Variants in CFAP46 observed in about 807,000 individuals in gnomAD.
The protein encoded by CFAP46 is cilia and flagella associated protein 46, also known as cilia- and flagella-associated protein 46.
Under a neutral mutation model 325.7 loss-of-function variants are expected in CFAP46, and 245 were observed. The ratio of observed to expected loss-of-function variants is 0.75; its 90% CI spans 0.68 to 0.84. The LOEUF (loss-of-function observed/expected upper bound fraction) is 0.84. CFAP46 is among the 40% of genes least tolerant of loss of function. The pLI is 0.00. For missense variants in CFAP46, 3,346 were observed against 3,543.0 expected, an observed-to-expected ratio of 0.94 and a Z score of 1.41; for synonymous variants, 1,523 against 1,495.9, an observed-to-expected ratio of 1.02 and a Z score of -0.42.
intron 21 of CFAP46, among the ~76,000 whole-genome samples, 169 bp downstream of exon 21, chr10:132,908,968 C>T (rs1054057244): frequency 1.3e-5 from 2 of 152,150 alleles, no homozygotes; most frequent in Non-Finnish European, 2.9e-5. Flanking sequence ...GAGCATGGAG[C>T]TGAAGGAAGT....
At chr10:132,908,153 G>A (rs993552282) in intron 22 of CFAP46, among the ~76,000 whole-genome samples, 28 of 152,382 alleles carry the variant, frequency 1.8e-4, no homozygotes, top group African/African-American at 6.3e-4. Context: ...GCACGGGGCC[G>A]GCAGGACGGA....
chr10:132,888,356 CCGCCTG>C (rs1849199048), intron 25 of CFAP46, among the ~76,000 whole-genome samples: 2 of 87,206 alleles, frequency 2.3e-5, no homozygotes, highest in African/African-American at 5.7e-5. Context: ...TTCACCCCTG[CCGCCTG>C]CACCTGCCAC....
chr10:132,838,565 C>T (rs73391231), intron 44 of CFAP46, among the ~76,000 whole-genome samples: 10,887 of 152,330 alleles, frequency 0.071, 938 homozygotes, highest in African/African-American at 0.2. Flanking sequence ...CCAGGTGGAG[C>T]GTGGGGCTGG....
At chr10:132,835,581 G>A in intron 46 of CFAP46, 147 bp from the exon 47 acceptor site, 6 of 1,046,686 alleles carry the variant, frequency 5.7e-6, no homozygotes, top group South Asian at 1.6e-5. Flanking sequence ...GGGTCCCCCT[G>A]GTCCCATGCT....
At chr10:132,851,450 T>C in intron 39 of CFAP46, 145 bp from the exon 40 acceptor site, 1 of 740,690 alleles carries the variant, frequency 1.4e-6, no homozygotes. Flanking sequence ...CACACTTTGA[T>C]CACGAATACA....
chr10:132,935,365 G>A lies in CFAP46; in HGVS notation c.756-503C>T, dbSNP rs555644113. On this transcript the variant is annotated intron_variant, in intron 7 of 57. Transcript: ENST00000368586. ...CACTGTGATCTCCTCACTCCCCTTG[G>A]CACCCAAACACACTGTGATCTCCTC... 1.9e-4 allele frequency among the ~76,000 whole-genome samples: 26 copies of A among 140,458 alleles called. 1 individual carries two copies. The highest frequency in any genetic ancestry group is 7.4e-4 in the African/African-American group (26 of 35,324). The allele number at this position is 140,458 out of a possible 152,430, so 92.1% of individuals were successfully genotyped here. A position where few individuals can be genotyped will look rare whatever the true frequency, so the allele number is the denominator to read the frequency against.
chr10:132,857,475 G>T, intron 39 of CFAP46, 115 bp downstream of exon 39: 2 of 1,027,246 alleles, frequency 1.9e-6, no homozygotes, highest in Non-Finnish European at 2.9e-6. Context: ...TCTGATCCCT[G>T]TTATTCCATT....
intron 39 of CFAP46, 28 bp downstream of exon 39, chr10:132,857,562 G>A (rs1409634300): frequency 6.2e-7 from 1 of 1,604,518 alleles, no homozygotes; most frequent in Non-Finnish European, 8.5e-7. Flanking sequence ...GTGACCCAGT[G>A]TGCACAGGAA....
intron 50 of CFAP46, among the ~76,000 whole-genome samples, chr10:132,823,911 GCT>G (rs1847960629): frequency 7.7e-6 from 1 of 129,698 alleles, no homozygotes. Context: ...CTGTGTGAGC[GCT>G]GATGTGTGTG....
At chr10:132,881,663 CCG>C in intron 27 of CFAP46, among the ~76,000 whole-genome samples, 1 of 73,392 alleles carries the variant, frequency 1.4e-5, no homozygotes, top group Non-Finnish European at 3.9e-5. Context: ...ACCGCACCCT[CCG>C]CAGCCCTGCG....
intron 7 of CFAP46, among the ~76,000 whole-genome samples, chr10:132,935,809 T>G (rs556651283): frequency 6.1e-4 from 56 of 91,736 alleles, no homozygotes; most frequent in Non-Finnish European, 9.3e-4. Context: ...CCAAACACAC[T>G]GTGATCTCCT....
Position 132,922,215 on chromosome 10 carries a change from CT to C in CFAP46, c.1494del (p.Ala499LeufsTer15). On this transcript the variant is annotated frameshift_variant, in exon 13 of 58. Transcript: ENST00000368586. LOFTEE classifies it high-confidence loss of function. ...KAIMAVEQAK[K>X]ATPKDSVRKK... is the part of the protein sequence containing the mutation. ...TTCCTGACGCTGTCCTTTGGTGTAG[CT>C]TTTTTTGCCTGTGAAAAGCAGAGAC... The C allele has an allele frequency of 6.5e-7, 1 of 1,549,240 alleles. No individual in the cohort carries two copies. The highest frequency in any genetic ancestry group is 8.7e-7 in the Non-Finnish European group (1 of 1,146,034).
chr10:132,911,473 C>T (rs887283369), intron 19 of CFAP46, among the ~76,000 whole-genome samples: 2 of 152,202 alleles, frequency 1.3e-5, no homozygotes, highest in Non-Finnish European at 2.9e-5. Context: ...CGTGCCCCTG[C>T]GGAGACACTC....
At chr10:132,920,648 C>A (rs1849709108) in intron 13 of CFAP46, among the ~76,000 whole-genome samples, 1 of 152,338 alleles carries the variant, frequency 6.6e-6, no homozygotes, top group South Asian at 2.1e-4. Flanking sequence ...AGCTCCACAC[C>A]CTGGGGGGCC....
chr10:132,897,499 C>A (rs891618887), intron 24 of CFAP46, among the ~76,000 whole-genome samples: 2 of 152,248 alleles, frequency 1.3e-5, no homozygotes, highest in Non-Finnish European at 2.9e-5. Flanking sequence ...ATATCTAGGT[C>A]AGCCAGGACT....
intron 40 of CFAP46, among the ~76,000 whole-genome samples, 195 bp downstream of exon 40, chr10:132,850,922 G>A (rs1848530284): frequency 6.6e-6 from 1 of 152,204 alleles, no homozygotes; most frequent in Non-Finnish European, 1.5e-5. Flanking sequence ...ATGGGACCTC[G>A]ATTTCATGAG....
At chr10:132,922,251 AG>A in intron 12 of CFAP46, 27 bp from the exon 13 acceptor site, 1 of 1,542,780 alleles carries the variant, frequency 6.5e-7, no homozygotes, top group Non-Finnish European at 8.8e-7. Context: ...CTGATGAGCA[AG>A]GGGCCGCTGG....
At chr10:132,923,168 A>G (rs954004984) in intron 11 of CFAP46, among the ~76,000 whole-genome samples, 125 of 118,334 alleles carry the variant, frequency 1.1e-3, no homozygotes, top group Middle Eastern at 6.8e-3. Flanking sequence ...GCAGCCATGT[A>G]GGGGTACCCC....
chr10:132,887,663 TTTCA>T (rs1849175145), intron 25 of CFAP46, among the ~76,000 whole-genome samples: 1 of 78,350 alleles, frequency 1.3e-5, no homozygotes, highest in Non-Finnish European at 2.7e-5. Flanking sequence ...CTCTCTCCTC[TTTCA>T]CCTCTCTCTC....
Sources: gnomAD v4.1 joint callset for allele counts (sites outside exome capture counted in the v4.1 genomes callset) on GRCh38, gnomAD v4.1.1 for gene constraint, MANE v1.5 for transcripts, NCBI Gene and HGNC (gene_info 2026-07-23, HGNC 2026-07-21) for gene names.